Variants in SGK2 observed in about 807,000 individuals in gnomAD.
SGK2 encodes serine/threonine-protein kinase Sgk2.
In SGK2, 36 loss-of-function variants were observed where a neutral mutation model predicts 47.5. The observed-to-expected ratio is 0.76, with a 90% CI of 0.58 to 1.00. SGK2 has a LOEUF of 1.00. Among genes scored for constraint, SGK2 ranks in the 50% least tolerant of loss-of-function variants. SGK2 has a pLI of 0.00. For missense variants in SGK2, 404 were observed against 467.4 expected, an observed-to-expected ratio of 0.86 and a Z score of 1.25; for synonymous variants, 157 against 181.9, an observed-to-expected ratio of 0.86 and a Z score of 1.10.
In SGK2 at chr20:43,584,947, C is replaced by A; in HGVS notation, c.1035C>A (p.Ser345Arg). Residue 345 changes from serine to arginine, a missense_variant, in exon 13 of 13, where the codon AGC becomes AGA. By Grantham distance (110) the Ser-to-Arg change is moderately radical (BLOSUM62 -1). Transcript: ENST00000373100. ...IGCTPDTVAS[S>R]SGASSAFLGF... The stretch of plus-strand genomic sequence containing the variant: ...GTACCCCTGACACTGTGGCCAGCAG[C>A]TCTGGGGCCTCAAGTGCATTCCTGG... 6.2e-7 allele frequency: 1 copy of A among 1,614,130 alleles called. No individual in the cohort carries two copies. Among genetic ancestry groups the A allele is most frequent in the Non-Finnish European group, 8.5e-7 (1 of 1,179,992 alleles).
chr20:43,579,169 C>T (rs1894667), intron 11 of SGK2, among the ~76,000 whole-genome samples: 110,817 of 151,734 alleles, frequency 0.73, 40,949 homozygotes, highest in East Asian at 0.8. Flanking sequence ...AGGCACACAC[C>T]ACCACGCCTG....
At chr20:43,570,966 A>G (rs1202647722) in intron 7 of SGK2, 58 bp from the exon 8 acceptor site, 3 of 1,611,720 alleles carry the variant, frequency 1.9e-6, no homozygotes, top group African/African-American at 1.3e-5. Flanking sequence ...CCAGGTCTCC[A>G]ACTCTCCTCA....
At chr20:43,560,031 G>A (rs1205805661) in intron 1 of SGK2, among the ~76,000 whole-genome samples, 1 of 152,136 alleles carries the variant, frequency 6.6e-6, no homozygotes, top group African/African-American at 2.4e-5. Flanking sequence ...TGGTGCGAGA[G>A]AGAAGAAAGC....
At chr20:43,566,211 A>C (rs1979697544) in intron 1 of SGK2, 1 of 889,888 alleles carries the variant, frequency 1.1e-6, no homozygotes, top group Admixed American at 2.4e-5. Flanking sequence ...AGTTCTTGAA[A>C]AGAATCAGCC....
rs139082826 is a variant in SGK2, at chr20:43,576,240, A to C, written c.710A>C (p.Gln237Pro). Reference protein sequence around the residue: ...MLHGLPPFYSQDVSQMYENIL... With the variant: ...MLHGLPPFYSPDVSQMYENIL... ...TCTCCCCAGCCGCCCTTCTACAGCCAAGATGTATCCCAGATGTATGAGAAC... is the reference window on the plus strand; with the variant it reads ...TCTCCCCAGCCGCCCTTCTACAGCCCAGATGTATCCCAGATGTATGAGAAC... The change falls in exon 11 of 13, where the codon CAA becomes CCA. Residue 237 changes from glutamine to proline, a missense_variant. By Grantham distance (76) the Gln-to-Pro change is moderately conservative. Transcript: ENST00000373100. 8.9e-5 allele frequency: 144 copies of C among 1,614,136 alleles called. No homozygotes were observed. The African/African-American group carries it at 1.9e-3, about 21-fold the overall frequency.
intron 10 of SGK2, 51 bp from the exon 11 acceptor site, chr20:43,576,173 T>C: frequency 6.3e-7 from 1 of 1,599,884 alleles, no homozygotes. Flanking sequence ...TCCCCGAGCC[T>C]GTGTTCACTT....
chr20:43,564,970 A>G (rs1044774397), intron 1 of SGK2: 1 of 152,504 alleles, frequency 6.6e-6, no homozygotes, highest in Non-Finnish European at 1.5e-5. Context: ...TGACCCAAAC[A>G]GTCTAACAAG....
Position 43,572,188 on chromosome 20 carries a change from A to G in SGK2, c.597+51A>G, listed in dbSNP as rs1479140443. ...GGAGGTCATGAGTGGGTGAGGCCAC[A>G]GCTCCTGATTAGAGCCAACAGGTTA... On this transcript the variant is annotated intron_variant, in intron 9 of 12. Coordinates refer to ENST00000373100, the MANE Select transcript of SGK2 (RefSeq NM_170693.3). This position sits in a 1 kb window ranked among gnomAD's most constrained non-coding sequence, Gnocchi z 4.2. The G allele has an allele frequency of 8.8e-6, 12 of 1,359,896 alleles. No individual in the cohort carries two copies. Among genetic ancestry groups the G allele is most frequent in the South Asian group, 1.2e-5 (1 of 80,088 alleles). The allele number at this position is 1,359,896 out of a possible 1,614,324, so 84.2% of individuals were successfully genotyped here.
chr20:43,566,162 AC>A (rs1568660485), intron 1 of SGK2: 1 of 600,646 alleles, frequency 1.7e-6, no homozygotes, highest in African/African-American at 1.8e-5. Flanking sequence ...TTCTGGAGCT[AC>A]CCTGGCTCAC....
chr20:43,579,069 G>A (rs547707455), intron 11 of SGK2, among the ~76,000 whole-genome samples: 249 of 151,104 alleles, frequency 1.6e-3, no homozygotes, highest in Non-Finnish European at 2.8e-3. Flanking sequence ...CCAGGCTGGA[G>A]TGCAGTGGCA....
rs149681436 is a variant in SGK2, at chr20:43,571,496, G to T, written c.510+436G>T. 3.0e-3 allele frequency among the ~76,000 whole-genome samples: 451 copies of T among 152,320 alleles called. 2 individuals carry two copies. The highest frequency in any genetic ancestry group is 0.01 in the African/African-American group (433 of 41,572). ...AGTGGGGCCTCAGCTGATCTTGCCG[G>T]CAGGGGGAGGGCCTGAGCTGGGGTG... On this transcript the variant is annotated intron_variant, in intron 8 of 12. Coordinates refer to ENST00000373100, the MANE Select transcript of SGK2 (RefSeq NM_170693.3).
At chr20:43,569,784 G>C in intron 6 of SGK2, 1 of 431,414 alleles carries the variant, frequency 2.3e-6, no homozygotes, top group Non-Finnish European at 4.3e-6. Context: ...GTTGCCCATA[G>C]ACGCACTTTG....
chr20:43,564,392 T>C (rs1258790696), intron 1 of SGK2, among the ~76,000 whole-genome samples: 1 of 152,226 alleles, frequency 6.6e-6, no homozygotes, highest in Non-Finnish European at 1.5e-5. Flanking sequence ...GGCTCTCAGC[T>C]GCCATGGCTG....
intron 5 of SGK2, among the ~76,000 whole-genome samples, chr20:43,568,907 A>G (rs748633481): frequency 5.3e-5 from 8 of 152,042 alleles, no homozygotes; most frequent in Non-Finnish European, 8.8e-5. Context: ...TAATGTTAAC[A>G]AGGTCTCCGT....
chr20:43,566,565 G>A (rs1246662602), intron 2 of SGK2, 34 bp downstream of exon 2: 14 of 1,452,588 alleles, frequency 9.6e-6, no homozygotes, highest in Non-Finnish European at 1.3e-5. Flanking sequence ...CCATCATCGG[G>A]GGCTCACTTC....
Position 43,570,693 on chromosome 20 carries a change from C to A in SGK2, c.437C>A (p.Ala146Asp), listed in dbSNP as rs756719391. The change falls in exon 7 of 13, where the codon GCC (alanine) becomes GAC (aspartate). Residue 146 changes from alanine to aspartate, a missense_variant. By Grantham distance (126) the Ala-to-Asp change is moderately radical. Transcript: ENST00000373100. ...ARFYAAEVASAIGYLHSLNII... is the reference protein window; with the variant it reads ...ARFYAAEVASDIGYLHSLNII... The stretch of plus-strand genomic sequence containing the variant: ...TTCTACGCTGCTGAGGTGGCCAGCG[C>A]CATTGGCTACCTGCACTCCCTCAAC... 4 of 1,613,504 alleles carry A rather than the reference C, an allele frequency of 2.5e-6. No homozygotes were observed.
At chr20:43,564,688 A>T (rs1979580756) in intron 1 of SGK2, 1 of 152,582 alleles carries the variant, frequency 6.6e-6, no homozygotes, top group African/African-American at 2.4e-5. Context: ...ATACAAAGAT[A>T]CACACTGATA....
intron 8 of SGK2, 77 bp from the exon 9 acceptor site, chr20:43,571,974 T>A: frequency 9.8e-7 from 1 of 1,025,156 alleles, no homozygotes; most frequent in Non-Finnish European, 1.5e-6. Flanking sequence ...GGGTGTGGCA[T>A]CTGGGCTTTG....
Position 43,560,362 on chromosome 20 carries a change from C to T in SGK2, c.-24+1203C>T, listed in dbSNP as rs1325863071. 4.6e-5 allele frequency among the ~76,000 whole-genome samples: 7 copies of T among 152,062 alleles called. No individual in the cohort carries two copies. The East Asian group carries it at 1.4e-3, about 29-fold the overall frequency. On this transcript the variant is annotated intron_variant, in intron 1 of 12. Coordinates refer to ENST00000373100, the MANE Select transcript of SGK2 (RefSeq NM_170693.3). ...AAAAATACAAAAATTAGCCGAGCGT[C>T]GTGACACATGCCCGTAATCCCAGCT...
Sources: gnomAD v4.1 joint callset for allele counts (sites outside exome capture counted in the v4.1 genomes callset) on GRCh38, gnomAD v4.1.1 for gene constraint, Gnocchi (gnomAD v3.1) non-coding constraint, MANE v1.5 for transcripts, NCBI Gene and HGNC (gene_info 2026-07-23, HGNC 2026-07-21) for gene names.